CDAN1: variants seen among roughly 807,000 people sequenced by gnomAD.
CDAN1 encodes codanin 1.
Under a neutral mutation model 139.8 loss-of-function variants are expected in CDAN1, and 107 were observed. The ratio of observed to expected loss-of-function variants is 0.77; its 90% CI spans 0.65 to 0.90. The LOEUF (loss-of-function observed/expected upper bound fraction) is 0.90. Among genes scored for constraint, CDAN1 ranks in the 40% least tolerant of loss-of-function variants. The pLI is 0.00. For missense variants in CDAN1, 1,667 were observed against 1,575.7 expected (o/e 1.06, Z -0.98); for synonymous variants, 776 against 660.6 (o/e 1.17, Z -2.68).
intron 26 of CDAN1, 98 bp from the exon 27 acceptor site, chr15:42,725,349 C>G: frequency 6.8e-7 from 1 of 1,471,052 alleles, no homozygotes; most frequent in Non-Finnish European, 9.5e-7. Context: ...TGGGAAGAGA[C>G]TTGAGATGGA....
rs776851961 is a variant in CDAN1 at position 42,736,382 on chromosome 15, G to A, written c.489C>T (p.Ser163=). 1.9e-6 allele frequency: 3 copies of A among 1,612,912 alleles called. No homozygotes were observed. The South Asian group carries it at 3.3e-5, about 18-fold the overall frequency. ...GGTTTGGCGGATCAGACAGCGTGAG[G>A]CTGGGGCGGCTGGGGCTGCCAGAGC... is the stretch of plus-strand genomic sequence containing the variant. The part of the protein sequence containing the change: ...LRGSGSPSRP[S]LTLSDPPNLS... The change falls in exon 2 of 28, where the codon AGC becomes AGT. Residue 163 remains serine (S), a synonymous_variant. Coordinates refer to ENST00000356231, the MANE Select transcript of CDAN1 (RefSeq NM_138477.4).
Position 42,727,606 on chromosome 15 carries a change from A to T in CDAN1, c.3096+15T>A, listed in dbSNP as rs1232108022. ...TGGGAGCAGGGAAGCCAAAGGGAGT[A>T]GGGTAGCCGTGTACTTTTATCTCGG... On this transcript the variant is annotated intron_variant, in intron 23 of 27. Coordinates refer to ENST00000356231, the MANE Select transcript of CDAN1 (RefSeq NM_138477.4). The T allele has an allele frequency of 1.9e-6, 3 of 1,541,878 alleles. No homozygotes were observed. The East Asian group carries it at 7.0e-5, about 36-fold the overall frequency.
Position 42,735,884 on chromosome 15 carries a change from C to A in CDAN1, c.764G>T (p.Arg255Met). ...RSLQEEREML[R>M]KERSKQLQQS... ...AGCGGCCAGGCCATACCGCTCCTTC[C>A]TGAGCATCTCTCGCTCCTCTTGCAG... Residue 255 changes from arginine to methionine, a missense_variant, in exon 3 of 28, where the codon AGG becomes ATG. By Grantham distance (91) the Arg-to-Met change is moderately conservative (BLOSUM62 -1). Around this residue, in one of 3 missense-constraint regions of CDAN1, gnomAD observed 487 missense variants for 422.2 expected, o/e 1.15. Transcript: ENST00000356231. The A allele has an allele frequency of 6.2e-7, 1 of 1,614,188 alleles. No individual in the cohort carries two copies. Among genetic ancestry groups the A allele is most frequent in the East Asian group, 2.2e-5 (1 of 44,880 alleles).
In CDAN1 at chr15:42,729,038, C is replaced by G. The variant is rs2061571770; in HGVS notation, c.2630G>C (p.Cys877Ser). The change falls in exon 19 of 28, where the codon TGT becomes TCT. Residue 877 changes from cysteine to serine, a missense_variant. Cys to Ser is a moderately radical substitution (Grantham distance 112, BLOSUM62 -1). Coordinates refer to ENST00000356231, the MANE Select transcript of CDAN1 (RefSeq NM_138477.4). Reference protein sequence around the residue: ...EFVAERIGSNCVKHIKATLVA... With the variant: ...EFVAERIGSNSVKHIKATLVA... ...CCACTCTTACTTGATATGTTTGACACAGTTTGATCCAATTCTTTCTGCCAC... is the reference window on the plus strand; with the variant it reads ...CCACTCTTACTTGATATGTTTGACAGAGTTTGATCCAATTCTTTCTGCCAC... 1 of 1,614,190 alleles carries G rather than the reference C, an allele frequency of 6.2e-7. No homozygotes were observed. The highest frequency in any genetic ancestry group is 8.5e-7 in the Non-Finnish European group (1 of 1,180,016).
intron 26 of CDAN1, 82 bp downstream of exon 26, chr15:42,725,407 G>A: frequency 1.9e-6 from 3 of 1,551,356 alleles, no homozygotes; most frequent in Non-Finnish European, 1.8e-6. Context: ...AATAAAGGAT[G>A]CAGAGCAGCT....
rs1244360592 is a variant in CDAN1, at chr15:42,732,423, G to T, written c.1458-15C>A. ...CCATCATGGCCCTGAGGAATAGAAG[G>T]CAGGAATGAAGGGTGTGGAAAGGAG... is the stretch of plus-strand genomic sequence containing the variant. On this transcript the variant is annotated splice_polypyrimidine_tract_variant and intron_variant, in intron 9 of 27. Transcript: ENST00000356231. 6.3e-7 allele frequency: 1 copy of T among 1,588,898 alleles called. No homozygotes were observed. The highest frequency in any genetic ancestry group is 8.6e-7 in the Non-Finnish European group (1 of 1,157,112).
chr15:42,732,454 G>C, intron 9 of CDAN1, 46 bp from the exon 10 acceptor site: 1 of 1,562,596 alleles, frequency 6.4e-7, no homozygotes, highest in Non-Finnish European at 8.8e-7. Context: ...AGGAGGGAGA[G>C]GGAGAAAGAT....
At chr15:42,728,163 A>T in intron 21 of CDAN1, 41 bp downstream of exon 21, 2 of 1,609,922 alleles carry the variant, frequency 1.2e-6, no homozygotes, top group Non-Finnish European at 1.7e-6. Flanking sequence ...ACCTCCCCAC[A>T]ACTGCCTGGC....
At chr15:42,733,277 CCTT>C (rs1007086500) in intron 8 of CDAN1, 91 bp from the exon 9 acceptor site, 211 of 1,053,260 alleles carry the variant, frequency 2.0e-4, no homozygotes, top group Non-Finnish European at 2.7e-4. Context: ...CCACCCACCA[CCTT>C]TTTTTTTTTT....
rs12907826 is a variant in CDAN1, at chr15:42,724,883, G to A, written c.3558+261C>T. The A allele has an allele frequency of 0.29, 173,056 of 604,996 alleles. 35,634 individuals carry two copies. Among genetic ancestry groups the A allele is most frequent in the African/African-American group, 0.84 (45,045 of 53,880 alleles). 37.5% of individuals were successfully genotyped at this position (604,996 alleles called of 1,614,324 possible). On this transcript the variant is annotated intron_variant, in intron 27 of 27. Coordinates refer to ENST00000356231, the MANE Select transcript of CDAN1 (RefSeq NM_138477.4). The stretch of plus-strand genomic sequence containing the variant: ...ACTTCATCTTGAAATTATTATTCCC[G>A]TTAAAATCCAGGTTATTCTAATTTT...
rs529501509 is a variant in CDAN1, at chr15:42,735,208, A to G, written c.1058-30T>C. On this transcript the variant is annotated intron_variant, in intron 5 of 27. Transcript: ENST00000356231. ...AAGGACAGTACCAAGCTGTCAGTTA[A>G]GAACGGTCCCGTTTCTAGACCCCAT... 11 of 1,606,162 alleles carry G rather than the reference A, an allele frequency of 6.8e-6. No homozygotes were observed. The East Asian group carries it at 2.5e-4, about 36-fold the overall frequency.
Position 42,729,585 on chromosome 15 carries a change from G to A in CDAN1, c.2390C>T (p.Thr797Ile). Residue 797 changes from threonine (T) to isoleucine (I), a missense_variant, in exon 17 of 28, where the codon ACC (threonine) becomes ATC (isoleucine). By Grantham distance (89) the Thr-to-Ile change is moderately conservative. Coordinates refer to ENST00000356231, the MANE Select transcript of CDAN1 (RefSeq NM_138477.4). ...GTGCTCACCGATGTAGGGGCAGCAG[G>A]TGTAGAGCAGCTGCTGGTCCACCAC... The part of the protein sequence containing the change: ...APVVDQQLLY[T>I]CCPYIGELRK... 3 of 1,614,198 alleles carry A rather than the reference G, an allele frequency of 1.9e-6. No individual in the cohort carries two copies. Among genetic ancestry groups the A allele is most frequent in the African/African-American group, 1.3e-5 (1 of 75,044 alleles).
chr15:42,733,096 C>G lies in CDAN1; in HGVS notation c.1457+1G>C. 6.2e-7 allele frequency: 1 copy of G among 1,613,942 alleles called. No individual in the cohort carries two copies. On this transcript the variant is annotated splice_donor_variant, in intron 9 of 27. Transcript: ENST00000356231. LOFTEE classifies it high-confidence loss of function. ...AAGAAAGACAAGGTCTGAGCACCCA[C>G]CTGATTCTGCTGCCCAAGCCCTTCT...
chr15:42,729,596 C>T lies in CDAN1; in HGVS notation c.2379G>A (p.Gln793=). ...GLDNAPVVDQ[Q]LLYTCCPYIG... ...TGTAGGGGCAGCAGGTGTAGAGCAG[C>T]TGCTGGTCCACCACAGGCGCATTGT... The change falls in exon 17 of 28, where the codon CAG becomes CAA. Residue 793 remains glutamine (Q), a synonymous_variant. Coordinates refer to ENST00000356231, the MANE Select transcript of CDAN1 (RefSeq NM_138477.4). 6.2e-7 allele frequency: 1 copy of T among 1,614,078 alleles called. No individual in the cohort carries two copies. Among genetic ancestry groups the T allele is most frequent in the Non-Finnish European group, 8.5e-7 (1 of 1,179,998 alleles).
intron 2 of CDAN1, 103 bp from the exon 3 acceptor site, chr15:42,736,181 C>G (rs754848024): frequency 2.5e-6 from 4 of 1,572,252 alleles, no homozygotes; most frequent in African/African-American, 1.4e-5. Flanking sequence ...CCACAAAAAC[C>G]CTCACCATCA....
intron 21 of CDAN1, 28 bp from the exon 22 acceptor site, chr15:42,728,061 G>A: frequency 6.2e-7 from 1 of 1,610,036 alleles, no homozygotes; most frequent in Non-Finnish European, 8.5e-7. Flanking sequence ...AGAGTCAGGG[G>A]CTAGGGGAGG....
At chr15:42,730,483 G>T in intron 14 of CDAN1, 115 bp downstream of exon 14, 1 of 1,261,354 alleles carries the variant, frequency 7.9e-7, no homozygotes, top group Non-Finnish European at 1.1e-6. Context: ...GCTCAGTTAT[G>T]GCCAGGGCCC....
chr15:42,729,695 C>T (rs2061582855), intron 16 of CDAN1, 73 bp from the exon 17 acceptor site: 2 of 1,597,742 alleles, frequency 1.3e-6, no homozygotes, highest in Admixed American at 1.7e-5. Context: ...GTTGGCAGGG[C>T]CTTTACAAGG....
In CDAN1 at chr15:42,724,598, C is replaced by CTAAT. The variant is rs1566977715; in HGVS notation, c.3573_3576dup (p.Ala1193IlefsTer6). 6.4e-7 allele frequency: 1 copy of CTAAT among 1,552,222 alleles called. No homozygotes were observed. Among genetic ancestry groups the CTAAT allele is most frequent in the Non-Finnish European group, 8.7e-7 (1 of 1,147,112 alleles). On this transcript the variant is annotated frameshift_variant, in exon 28 of 28. Transcript: ENST00000356231. LOFTEE classifies it high-confidence loss of function. ...GCTAGAAACAGATTAGACAGTGTTG[C>CTAAT]TAATTCTTCAGCAAAGTCCTGGAAT... is the stretch of plus-strand genomic sequence containing the variant.
Sources: allele counts gnomAD v4.1 joint callset, GRCh38; gene constraint gnomAD v4.1.1; regional missense constraint gnomAD v4.1.1; transcripts MANE v1.5; gene names NCBI Gene and HGNC (gene_info 2026-07-23, HGNC 2026-07-21).